NCAM1: variants seen among roughly 807,000 people sequenced by gnomAD.
The protein encoded by NCAM1 is neural cell adhesion molecule 1.
A neutral mutation model predicts 109.8 loss-of-function variants in NCAM1; 14 were observed. The observed-to-expected ratio is 0.13, with a 90% confidence interval of 0.08 to 0.20. NCAM1 has a LOEUF of 0.20. Ranked by LOEUF, NCAM1 falls within the 10% of genes least tolerant of loss-of-function variation. The probability of loss-of-function intolerance (pLI) is 1.00; values close to 1 mark genes in which losing one functional copy is unlikely to be tolerated. For missense variants in NCAM1, 774 were observed against 1,109.9 expected (o/e 0.70, Z 4.30); for synonymous variants, 418 against 442.9 (o/e 0.94, Z 0.70).
At chr11:113,010,775 T>C (rs1228928907) in intron 1 of NCAM1, among the ~76,000 whole-genome samples, 3 of 152,206 alleles carry the variant, frequency 2.0e-5, no homozygotes, top group Non-Finnish European at 1.5e-5. Flanking sequence ...AGGGGGACTT[T>C]GGTAAGATAT....
At chr11:113,052,446 C>T (rs1555081950) in intron 1 of NCAM1, among the ~76,000 whole-genome samples, 1 of 152,058 alleles carries the variant, frequency 6.6e-6, no homozygotes, top group Non-Finnish European at 1.5e-5. Flanking sequence ...CAGTCCCTCC[C>T]CACCCCCGCA....
intron 16 of NCAM1, among the ~76,000 whole-genome samples, chr11:113,259,740 G>A (rs1210233133): frequency 7.9e-6 from 1 of 127,278 alleles, no homozygotes; most frequent in Non-Finnish European, 1.6e-5. Flanking sequence ...GTCTTGCTCT[G>A]TCACCCAGGC....
chr11:113,253,526 G>A lies in NCAM1; in HGVS notation c.1829-2351G>A, dbSNP rs746971126. ...GGCCCATATTTTGTAAATGTGGAAT[G>A]AAACTTGATCGAGGCAACAGACCCC... On this transcript the variant is annotated intron_variant, in intron 15 of 19. Coordinates refer to ENST00000316851, the MANE Select transcript of NCAM1 (RefSeq NM_181351.5). Among the ~76,000 whole-genome samples the A allele has an allele frequency of 3.8e-4, 58 of 152,300 alleles. 1 individual carries two copies. The highest frequency in any genetic ancestry group is 8.1e-4 in the Non-Finnish European group (55 of 68,024).
chr11:113,003,245 G>A (rs1951804281), intron 1 of NCAM1, among the ~76,000 whole-genome samples: 1 of 152,236 alleles, frequency 6.6e-6, no homozygotes, highest in Non-Finnish European at 1.5e-5. Context: ...AGGGAAACAT[G>A]TTCAAAGGTC....
intron 1 of NCAM1, among the ~76,000 whole-genome samples, chr11:112,981,477 TG>T (rs1951153412): frequency 6.6e-6 from 1 of 151,912 alleles, no homozygotes; most frequent in African/African-American, 2.4e-5. Flanking sequence ...TGGTATGTAT[TG>T]TGTTGGGCTA....
intron 15 of NCAM1, among the ~76,000 whole-genome samples, chr11:113,253,241 T>G (rs1296548935): frequency 6.6e-6 from 1 of 152,144 alleles, no homozygotes; most frequent in Non-Finnish European, 1.5e-5. Context: ...GGGTCTCTTT[T>G]CAAAGACAAA....
At chr11:113,016,185 A>G (rs1218520544) in intron 1 of NCAM1, among the ~76,000 whole-genome samples, 1 of 152,186 alleles carries the variant, frequency 6.6e-6, no homozygotes, top group African/African-American at 2.4e-5. Flanking sequence ...GGTCTCTACT[A>G]TAGTAAGTCA....
At chr11:113,070,455 G>A (rs1938208153) in intron 1 of NCAM1, among the ~76,000 whole-genome samples, 1 of 152,086 alleles carries the variant, frequency 6.6e-6, no homozygotes, top group Non-Finnish European at 1.5e-5. Flanking sequence ...TTGAAGGAGA[G>A]CTGCTATTTA....
chr11:113,009,312 G>GTTTTTTTGTTGTTT (rs1555073910), intron 1 of NCAM1, among the ~76,000 whole-genome samples: 4,320 of 79,146 alleles, frequency 0.055, 246 homozygotes, highest in East Asian at 0.15. Flanking sequence ...GTTTTTTCGG[G>GTTTTTTTGTTGTTT]TTTTTTTTTT....
intron 1 of NCAM1, among the ~76,000 whole-genome samples, chr11:113,038,249 TCACTGTTCTCCAGCAAGCC>T (rs1952955575): frequency 6.6e-6 from 1 of 152,170 alleles, no homozygotes; most frequent in Admixed American, 6.5e-5. Context: ...AGTGCCCCAC[TCACTGTTCTCCAGCAAGCC>T]CACTGCTCTC....
chr11:113,198,959 A>C (rs1311378398), intron 1 of NCAM1, among the ~76,000 whole-genome samples: 1 of 152,152 alleles, frequency 6.6e-6, no homozygotes, highest in Admixed American at 6.5e-5. Context: ...GTGTTTTGTA[A>C]ACTGGAAAGT....
intron 1 of NCAM1, among the ~76,000 whole-genome samples, chr11:112,975,380 G>A (rs1950980367): frequency 6.6e-6 from 1 of 151,924 alleles, no homozygotes; most frequent in African/African-American, 2.4e-5. Flanking sequence ...AGTTGGTCTA[G>A]GAATTGGAGG....
intron 14 of NCAM1, among the ~76,000 whole-genome samples, chr11:113,241,052 T>G (rs1387316769): frequency 1.3e-5 from 2 of 152,164 alleles, no homozygotes; most frequent in African/African-American, 4.8e-5. Context: ...GGAAAAGCAT[T>G]GTTCTGGATA....
At chr11:113,193,355 C>T (rs961299180) in intron 1 of NCAM1, among the ~76,000 whole-genome samples, 12 of 152,308 alleles carry the variant, frequency 7.9e-5, no homozygotes, top group South Asian at 2.1e-4. Context: ...GATGCTCCAG[C>T]GGGCTCCAGG....
chr11:113,261,626 C>T (rs1946002972), intron 17 of NCAM1, among the ~76,000 whole-genome samples: 1 of 152,172 alleles, frequency 6.6e-6, no homozygotes, highest in Non-Finnish European at 1.5e-5. Flanking sequence ...TGGAGGTTCT[C>T]CTTGCTTTTC....
chr11:113,206,985 C>G (rs2136943278), intron 5 of NCAM1, among the ~76,000 whole-genome samples: 1 of 152,314 alleles, frequency 6.6e-6, no homozygotes, highest in South Asian at 2.1e-4. Context: ...AGAATAGTGA[C>G]TATAAATTGA....
chr11:113,142,078 C>T (rs1000091760), intron 1 of NCAM1, among the ~76,000 whole-genome samples: 2 of 152,126 alleles, frequency 1.3e-5, no homozygotes, highest in South Asian at 2.1e-4. Context: ...CAGTCAAACA[C>T]GTTGATTCTA....
intron 15 of NCAM1, among the ~76,000 whole-genome samples, chr11:113,253,196 G>C (rs1555121698): frequency 6.6e-6 from 1 of 152,152 alleles, no homozygotes; most frequent in African/African-American, 2.4e-5. Context: ...ATTCCCTAGA[G>C]AGATTTTTAT....
chr11:113,252,703 T>G (rs1555121592), intron 15 of NCAM1, among the ~76,000 whole-genome samples: 1 of 151,436 alleles, frequency 6.6e-6, no homozygotes, highest in Non-Finnish European at 1.5e-5. Flanking sequence ...TGGCATGATC[T>G]TGGCTCACTG....
Sources: gnomAD v4.1 joint callset for allele counts (sites outside exome capture counted in the v4.1 genomes callset) on GRCh38, gnomAD v4.1.1 for gene constraint, MANE v1.5 for transcripts, NCBI Gene and HGNC (gene_info 2026-07-23, HGNC 2026-07-21) for gene names.